The following PCDHA12 variants were observed in gnomAD, a reference collection of about 807,000 sequenced individuals.
The protein encoded by PCDHA12 is protocadherin alpha-12.
PCDHA12 carries 44 observed loss-of-function variants against 60.0 expected under a neutral mutation model. The observed-to-expected ratio is 0.73, with a 90% confidence interval of 0.58 to 0.94. The LOEUF is 0.94. PCDHA12 is among the 40% of genes least tolerant of loss of function. PCDHA12 has a pLI of 0.00. For synonymous variants in PCDHA12, 569 were observed against 553.0 expected (o/e 1.03, Z -0.40); for missense variants, 1,276 against 1,239.7 (o/e 1.03, Z -0.44).
intron 1 of PCDHA12, chr5:140,883,535 C>A: frequency 6.2e-7 from 1 of 1,614,248 alleles, no homozygotes; most frequent in South Asian, 1.1e-5. Flanking sequence ...AGCCTATGAA[C>A]TGGTGGTGAC....
At chr5:140,941,247 C>CT (rs1398354432) in intron 1 of PCDHA12, among the ~76,000 whole-genome samples, 1 of 128,506 alleles carries the variant, frequency 7.8e-6, no homozygotes, top group African/African-American at 2.9e-5. Context: ...TTCTTTCTTT[C>CT]TTTCTTTCTC....
At chr5:140,887,333 T>A (rs1214047567) in intron 1 of PCDHA12, among the ~76,000 whole-genome samples, 1 of 152,174 alleles carries the variant, frequency 6.6e-6, no homozygotes, top group African/African-American at 2.4e-5. Context: ...CCTGACCTCG[T>A]GATCCACCTG....
rs1006692100 is a variant in PCDHA12 at position 140,968,013 on chromosome 5, G to A, written c.2368-10936G>A. Reference sequence around the variant, plus strand: ...CTGCCTTTCCGACTGAATGGCTTTGGAAACTCCTATACACTGGTGGTGAGC... The same window carrying A: ...CTGCCTTTCCGACTGAATGGCTTTGAAAACTCCTATACACTGGTGGTGAGC... On this transcript the variant is annotated intron_variant, in intron 1 of 3. Coordinates refer to ENST00000398631, the MANE Select transcript of PCDHA12 (RefSeq NM_018903.4). 2.5e-6 allele frequency: 4 copies of A among 1,614,066 alleles called. No individual in the cohort carries two copies. The African/African-American group carries it at 4.0e-5, about 16-fold the overall frequency.
At chr5:140,987,944 T>C (rs910006070) in intron 3 of PCDHA12, among the ~76,000 whole-genome samples, 11 of 152,186 alleles carry the variant, frequency 7.2e-5, no homozygotes, top group African/African-American at 2.7e-4. Context: ...CTTACCTGTC[T>C]GACAAAACCA....
chr5:140,884,101 G>T lies in PCDHA12; in HGVS notation c.2367+6262G>T, dbSNP rs782222820. 6 of 1,613,486 alleles carry T rather than the reference G, an allele frequency of 3.7e-6. No individual in the cohort carries two copies. The highest frequency in any genetic ancestry group is 3.3e-4 in the Middle Eastern group (2 of 6,042). On this transcript the variant is annotated intron_variant, in intron 1 of 3. Coordinates refer to ENST00000398631, the MANE Select transcript of PCDHA12 (RefSeq NM_018903.4). ...ACAATGCGTGGCTTTCGTATGAATT[G>T]CAGCTGGCGGCGGTCGGCGCGCGCA...
intron 1 of PCDHA12, among the ~76,000 whole-genome samples, chr5:140,973,810 T>C (rs1179978402): frequency 6.6e-6 from 1 of 152,230 alleles, no homozygotes; most frequent in Non-Finnish European, 1.5e-5. Context: ...CTTGACAGAA[T>C]AGCAAAGTCA....
intron 1 of PCDHA12, chr5:140,928,716 C>T (rs555492959): frequency 3.1e-6 from 5 of 1,614,178 alleles, no homozygotes; most frequent in East Asian, 4.5e-5. Flanking sequence ...ACTCTAGTCT[C>T]TTTAGAATTT....
intron 3 of PCDHA12, among the ~76,000 whole-genome samples, chr5:141,000,393 C>CTATA (rs1563650230): frequency 1.3e-4 from 7 of 52,858 alleles, no homozygotes; most frequent in Admixed American, 2.8e-4. Context: ...CTCTCTCTCT[C>CTATA]TCTATATATA....
intron 1 of PCDHA12, among the ~76,000 whole-genome samples, chr5:140,962,088 T>C (rs893852980): frequency 6.6e-6 from 1 of 152,092 alleles, no homozygotes; most frequent in Non-Finnish European, 1.5e-5. Flanking sequence ...GGTTTCACCA[T>C]GTTAGCCAGG....
At chr5:141,006,894 A>G (rs781832084) in intron 3 of PCDHA12, among the ~76,000 whole-genome samples, 6 of 152,212 alleles carry the variant, frequency 3.9e-5, no homozygotes, top group African/African-American at 7.2e-5. Context: ...TTGATTTCAG[A>G]TTTCTTCAGT....
At chr5:140,892,152 C>T (rs1364975733) in intron 1 of PCDHA12, among the ~76,000 whole-genome samples, 1 of 152,118 alleles carries the variant, frequency 6.6e-6, no homozygotes, top group African/African-American at 2.4e-5. Context: ...GCGTCTATTT[C>T]TGATATGTCC....
rs554327220 is a variant in PCDHA12 at position 140,980,560 on chromosome 5, G to T, written c.2426+1553G>T. Reference sequence around the variant, plus strand: ...CAGGAGAATCGCTTGAACCCGGGAGGCGGAAGTTGCAGTGAGCCAAGATCG... The same window carrying T: ...CAGGAGAATCGCTTGAACCCGGGAGTCGGAAGTTGCAGTGAGCCAAGATCG... On this transcript the variant is annotated intron_variant, in intron 2 of 3. Coordinates refer to ENST00000398631, the MANE Select transcript of PCDHA12 (RefSeq NM_018903.4). Among the ~76,000 whole-genome samples the T allele has an allele frequency of 1.6e-4, 25 of 152,244 alleles. No individual in the cohort carries two copies. The East Asian group carries it at 4.6e-3, about 28-fold the overall frequency.
Position 140,979,011 on chromosome 5 carries a change from T to C in PCDHA12, c.2426+4T>C. On this transcript the variant is annotated splice_donor_region_variant and intron_variant, in intron 2 of 3. Coordinates refer to ENST00000398631, the MANE Select transcript of PCDHA12 (RefSeq NM_018903.4). ...CCCTGAGAGCAGGCATGCACAGGTA[T>C]GTATTTCCCTCCTCATTCACTCAGA... The C allele has an allele frequency of 6.2e-7, 1 of 1,613,950 alleles. No homozygotes were observed. The highest frequency in any genetic ancestry group is 8.5e-7 in the Non-Finnish European group (1 of 1,179,938).
intron 1 of PCDHA12, among the ~76,000 whole-genome samples, chr5:140,949,279 A>T (rs2094358116): frequency 6.6e-6 from 1 of 151,848 alleles, no homozygotes; most frequent in African/African-American, 2.4e-5. Flanking sequence ...CTTGAAAAGA[A>T]TGTATATTCT....
intron 1 of PCDHA12, among the ~76,000 whole-genome samples, chr5:140,946,184 C>T (rs2093899107): frequency 6.6e-6 from 1 of 151,990 alleles, no homozygotes; most frequent in African/African-American, 2.4e-5. Context: ...TGTGAATAGA[C>T]ATTTCTCAAA....
At chr5:140,878,859 C>T (rs2057755620) in intron 1 of PCDHA12, among the ~76,000 whole-genome samples, 1 of 152,188 alleles carries the variant, frequency 6.6e-6, no homozygotes, top group African/African-American at 2.4e-5. Flanking sequence ...TTCAACTGAT[C>T]CTCCATTTCA....
intron 3 of PCDHA12, among the ~76,000 whole-genome samples, chr5:140,993,075 G>A (rs531612224): frequency 1.3e-3 from 191 of 152,324 alleles, no homozygotes; most frequent in African/African-American, 4.5e-3. Flanking sequence ...CCTGCAGTCT[G>A]CAATCAGCAG....
intron 1 of PCDHA12, chr5:140,967,870 G>C (rs782622860): frequency 1.2e-6 from 2 of 1,614,152 alleles, no homozygotes; most frequent in Admixed American, 3.3e-5. Context: ...TGGTGCTCAC[G>C]GACCTGTATA....
In PCDHA12 at chr5:140,969,065, A is replaced by G. The variant is rs1554231418; in HGVS notation, c.2368-9884A>G. 4.3e-6 allele frequency: 7 copies of G among 1,614,188 alleles called. No individual in the cohort carries two copies. The East Asian group carries it at 1.6e-4, about 36-fold the overall frequency. On this transcript the variant is annotated intron_variant, in intron 1 of 3. Coordinates refer to ENST00000398631, the MANE Select transcript of PCDHA12 (RefSeq NM_018903.4). ...ACAAGCCAACAACAATATTGATGCC[A>G]GGATACCGCATGGCCTCAAAGTGCA...
Sources: allele counts gnomAD v4.1 joint callset (sites outside exome capture counted in the v4.1 genomes callset), GRCh38; gene constraint gnomAD v4.1.1; transcripts MANE v1.5; gene names NCBI Gene and HGNC (gene_info 2026-07-23, HGNC 2026-07-21).